Variants in ASPSCR1 observed in about 807,000 individuals in gnomAD.
The protein encoded by ASPSCR1 is tether containing UBX domain for GLUT4.
In ASPSCR1, 55 loss-of-function variants were observed where a neutral mutation model predicts 68.9. The observed-to-expected ratio is 0.80, with a 90% CI of 0.64 to 1.00. The LOEUF (loss-of-function observed/expected upper bound fraction) is 1.00, where lower values mean the gene tolerates loss of function less well. Among genes scored for constraint, ASPSCR1 ranks in the 50% least tolerant of loss-of-function variants. The probability of loss-of-function intolerance (pLI) is 0.00; values close to 1 mark genes in which losing one functional copy is unlikely to be tolerated. For missense variants in ASPSCR1, 765 were observed against 762.2 expected (o/e 1.00, Z -0.04); for synonymous variants, 352 against 332.6 (o/e 1.06, Z -0.63).
chr17:82,008,935 G>A, intron 7 of ASPSCR1, 102 bp from the exon 8 acceptor site: 4 of 1,387,364 alleles, frequency 2.9e-6, no homozygotes, highest in Middle Eastern at 5.3e-4. Flanking sequence ...AGTGGGCCCA[G>A]CTCCCAAGTC....
intron 12 of ASPSCR1, chr17:82,014,196 GCC>G (rs1463455267): frequency 6.6e-6 from 1 of 152,276 alleles, no homozygotes; most frequent in Non-Finnish European, 1.5e-5. Flanking sequence ...CTGGGCGCCC[GCC>G]CCTAGCCAGT....
intron 5 of ASPSCR1, 66 bp from the exon 6 acceptor site, chr17:81,995,926 G>A (rs920344796): frequency 2.2e-5 from 33 of 1,526,756 alleles, no homozygotes; most frequent in Non-Finnish European, 2.4e-5. Flanking sequence ...GCCGGTGCCC[G>A]GAGGGCTTCC....
chr17:82,014,880 G>C (rs2043069440), intron 12 of ASPSCR1: 1 of 695,988 alleles, frequency 1.4e-6, no homozygotes, highest in Non-Finnish European at 2.3e-6. Flanking sequence ...GCCGGCTCCA[G>C]GCCCTCAGGC....
In ASPSCR1 at chr17:81,990,721, C is replaced by T. The variant is rs1489506401; in HGVS notation, c.375-4100C>T. 6.6e-6 allele frequency among the ~76,000 whole-genome samples: 1 copy of T among 152,148 alleles called. No individual in the cohort carries two copies. Among genetic ancestry groups the T allele is most frequent in the African/African-American group, 2.4e-5 (1 of 41,422 alleles). On this transcript the variant is annotated intron_variant, in intron 4 of 15. Transcript: ENST00000306739. This position sits in a 1 kb window ranked among gnomAD's most constrained non-coding sequence, Gnocchi z 4.1. ...ATGGCCTACGGGCCCTGGGGGTACA[C>T]GGCCCTCCTGGAGGCACCCGGAGGA...
chr17:81,987,075 C>T lies in ASPSCR1; in HGVS notation c.374+1468C>T, dbSNP rs920411718. On this transcript the variant is annotated intron_variant, in intron 4 of 15. Coordinates refer to ENST00000306739, the MANE Select transcript of ASPSCR1 (RefSeq NM_024083.4). The surrounding 1 kb of genome is among the most constrained non-coding windows in gnomAD (Gnocchi z 5.6). The stretch of plus-strand genomic sequence containing the variant: ...GAGCGGGACCCGAGGCAGGAGATGA[C>T]GGAGCCTAAGAGCAAAGCGAAGCCA... 6.9e-6 allele frequency among the ~76,000 whole-genome samples: 1 copy of T among 145,898 alleles called. No homozygotes were observed. The highest frequency in any genetic ancestry group is 1.5e-5 in the Non-Finnish European group (1 of 66,800).
rs760430230 is a variant in ASPSCR1 at position 82,010,864 on chromosome 17, G to A, written c.1233G>A (p.Glu411=). Residue 411 remains glutamate (E), a synonymous_variant, in exon 10 of 16, where the codon GAG becomes GAA. Coordinates refer to ENST00000306739, the MANE Select transcript of ASPSCR1 (RefSeq NM_024083.4). The part of the protein sequence containing the change: ...YVLQGFFRPS[E]TVGDLRDFVR... The stretch of plus-strand genomic sequence containing the variant: ...TACAGGGCTTCTTCCGCCCCAGCGA[G>A]ACAGGTGGGCAGCGCTGTGGGGTGT... 1.2e-6 allele frequency: 2 copies of A among 1,612,284 alleles called. No homozygotes were observed. Among genetic ancestry groups the A allele is most frequent in the Non-Finnish European group, 1.7e-6 (2 of 1,179,916 alleles).
chr17:81,995,799 C>T (rs1018287951), intron 5 of ASPSCR1, among the ~76,000 whole-genome samples, 193 bp from the exon 6 acceptor site: 35 of 152,308 alleles, frequency 2.3e-4, no homozygotes, highest in Admixed American at 2.2e-3. Context: ...GGTCCTGCCC[C>T]GGCTGCAGAC....
rs2043040516 is a variant in ASPSCR1 at position 82,014,049 on chromosome 17, C to T, written c.1353+1766C>T. The T allele has an allele frequency of 2.0e-5, 3 of 152,274 alleles. No homozygotes were observed. The South Asian group carries it at 6.2e-4, about 32-fold the overall frequency. 9.4% of individuals were successfully genotyped at this position (152,274 alleles called of 1,614,324 possible). On this transcript the variant is annotated intron_variant, in intron 12 of 15. Coordinates refer to ENST00000306739, the MANE Select transcript of ASPSCR1 (RefSeq NM_024083.4). ...GGCAGGGCAAGCCTGGCTCCTAACA[C>T]CCTCCGTTTGTTGGAGCTCTCAGGC...
intron 9 of ASPSCR1, 152 bp from the exon 10 acceptor site, chr17:82,010,650 G>T (rs925591526): frequency 2.7e-6 from 2 of 745,384 alleles, no homozygotes; most frequent in African/African-American, 3.5e-5. Flanking sequence ...TGCCACGGGG[G>T]AGTCAAAGCC....
chr17:82,010,779 A>G (rs778120965), intron 9 of ASPSCR1, 23 bp from the exon 10 acceptor site: 135 of 1,610,590 alleles, frequency 8.4e-5, no homozygotes, highest in Admixed American at 5.8e-4. Flanking sequence ...CGTCCCTCCA[A>G]CCCTTCCACT....
intron 7 of ASPSCR1, chr17:82,005,016 A>C (rs1213076958): frequency 6.6e-6 from 1 of 152,268 alleles, no homozygotes; most frequent in Non-Finnish European, 1.5e-5. Context: ...GCATCGGCTC[A>C]GGGGAGGCCA....
intron 7 of ASPSCR1, among the ~76,000 whole-genome samples, chr17:82,003,250 A>T (rs2042597873): frequency 6.6e-6 from 1 of 152,238 alleles, no homozygotes. Flanking sequence ...GTTTTAGACC[A>T]GCCTGGGCAA....
Position 81,983,467 on chromosome 17 carries a change from G to A in ASPSCR1, c.159-87G>A. 8.8e-7 allele frequency: 1 copy of A among 1,135,590 alleles called. No individual in the cohort carries two copies. Among genetic ancestry groups the A allele is most frequent in the Non-Finnish European group, 1.3e-6 (1 of 781,394 alleles). 70.3% of individuals were successfully genotyped at this position (1,135,590 alleles called of 1,614,324 possible). A position where few individuals can be genotyped will look rare whatever the true frequency, so the allele number is the denominator to read the frequency against. On this transcript the variant is annotated intron_variant, in intron 2 of 15. Coordinates refer to ENST00000306739, the MANE Select transcript of ASPSCR1 (RefSeq NM_024083.4). This position sits in a 1 kb window ranked among gnomAD's most constrained non-coding sequence, Gnocchi z 4.4. ...TGGCGGGGCGTGGATGGCGGGGCGT[G>A]GATGGTGGGACGGGGATGGCGGGGC...
rs1334281725 is a variant in ASPSCR1, at chr17:81,987,403, G to A, written c.374+1796G>A. On this transcript the variant is annotated intron_variant, in intron 4 of 15. Transcript: ENST00000306739. This position sits in a 1 kb window ranked among gnomAD's most constrained non-coding sequence, Gnocchi z 5.6. The stretch of plus-strand genomic sequence containing the variant: ...AAACCAAACAGCGCGGGGAACAGAA[G>A]TCAGGAAAGATGAACGTCTGGAAGG... Among the ~76,000 whole-genome samples the A allele has an allele frequency of 1.3e-5, 2 of 152,246 alleles. No individual in the cohort carries two copies. The highest frequency in any genetic ancestry group is 3.8e-4 in the East Asian group (2 of 5,196).
At chr17:81,992,115 C>T (rs1012274498) in intron 4 of ASPSCR1, among the ~76,000 whole-genome samples, 3 of 152,354 alleles carry the variant, frequency 2.0e-5, no homozygotes, top group Admixed American at 1.3e-4. Context: ...CGCGGAAGCG[C>T]CCCAAAGCAC....
At chr17:81,993,977 G>A (rs1373511927) in intron 4 of ASPSCR1, among the ~76,000 whole-genome samples, 1 of 152,160 alleles carries the variant, frequency 6.6e-6, no homozygotes, top group Non-Finnish European at 1.5e-5. Context: ...GCATCTGCAA[G>A]GAAGGCCTGA....
At chr17:82,001,783 C>T (rs9912335) in intron 7 of ASPSCR1, among the ~76,000 whole-genome samples, 102,309 of 151,764 alleles carry the variant, frequency 0.67, 34,799 homozygotes, top group Non-Finnish European at 0.7. Flanking sequence ...CAGCCCTTCC[C>T]GGGCTCCCCC....
At position 81,988,422 on chromosome 17, in the gene ASPSCR1, T is replaced by G. The variant is rs190970193; in HGVS notation, c.374+2815T>G. ...GTGAGCTGAGATTGCGCCACTGCAC[T>G]CCAGCCTGGGTGACAAAGCAGGACT... On this transcript the variant is annotated intron_variant, in intron 4 of 15. Transcript: ENST00000306739. Among the ~76,000 whole-genome samples, 102 of 143,422 alleles carry G rather than the reference T, an allele frequency of 7.1e-4. 1 individual carries two copies. Among genetic ancestry groups the G allele is most frequent in the African/African-American group, 2.6e-3 (100 of 37,846 alleles). The allele number at this position is 143,422 out of a possible 152,430, so 94.1% of individuals were successfully genotyped here.
At chr17:81,981,288 C>G (rs2041786372) in intron 2 of ASPSCR1, among the ~76,000 whole-genome samples, 1 of 152,186 alleles carries the variant, frequency 6.6e-6, no homozygotes, top group Non-Finnish European at 1.5e-5. Flanking sequence ...TGGCCAGGAA[C>G]TCAGCTTTCA....
Sources: gnomAD v4.1 joint callset for allele counts (sites outside exome capture counted in the v4.1 genomes callset) on GRCh38, gnomAD v4.1.1 for gene constraint, Gnocchi (gnomAD v3.1) non-coding constraint, MANE v1.5 for transcripts, NCBI Gene and HGNC (gene_info 2026-07-23, HGNC 2026-07-21) for gene names.